The following ZMYM2 variants were observed in gnomAD, a reference collection of about 807,000 sequenced individuals.
The protein encoded by ZMYM2 is zinc finger MYM-type protein 2.
A neutral mutation model predicts 162.8 loss-of-function variants in ZMYM2; 56 were observed. The ratio of observed to expected loss-of-function variants is 0.34; its 90% CI spans 0.28 to 0.43. ZMYM2 has a LOEUF of 0.43. Ranked by LOEUF, ZMYM2 falls within the 20% of genes least tolerant of loss-of-function variation. The pLI is 1.00. For synonymous variants in ZMYM2, 510 were observed against 541.6 expected (o/e 0.94, Z 0.81); for missense variants, 1,275 against 1,621.8 (o/e 0.79, Z 3.67).
chr13:19,993,434 A>G lies in ZMYM2; in HGVS notation c.362A>G (p.Asp121Gly). The G allele has an allele frequency of 6.2e-7, 1 of 1,613,968 alleles. No individual in the cohort carries two copies. The highest frequency in any genetic ancestry group is 8.5e-7 in the Non-Finnish European group (1 of 1,179,906). The change falls in exon 3 of 25, where the codon GAT (aspartate) becomes GGT (glycine). Residue 121 changes from aspartate to glycine, a missense_variant. Transcript: ENST00000610343. ...GSVSETIVID[D>G]EEDMETNQGQ... ...GTAAGTGAGACAATTGTCATTGATG[A>G]TGAAGAGGACATGGAAACAAATCAA...
the ZMYM2 span, among the ~76,000 whole-genome samples, chr13:19,890,352 G>C: frequency 6.6e-6 from 1 of 151,346 alleles, no homozygotes; most frequent in Non-Finnish European, 1.5e-5. Flanking sequence ...TTTTTTTATA[G>C]AGACAGGGTC....
intron 7 of ZMYM2, among the ~76,000 whole-genome samples, chr13:20,022,197 G>A (rs9506417): frequency 0.026 from 3,927 of 152,242 alleles, 115 homozygotes; most frequent in East Asian, 0.13. Context: ...TGTTAGTTGG[G>A]AGTGGAAGTT....
the ZMYM2 span, among the ~76,000 whole-genome samples, chr13:19,875,766 A>G: frequency 4.6e-5 from 7 of 152,126 alleles, no homozygotes; most frequent in Non-Finnish European, 1.0e-4. Flanking sequence ...ATGAGAGCTA[A>G]ACATTGAGTA....
At chr13:19,900,323 C>G in the ZMYM2 span, among the ~76,000 whole-genome samples, 1 of 151,922 alleles carries the variant, frequency 6.6e-6, no homozygotes, top group African/African-American at 2.4e-5. Flanking sequence ...AGTTGTACAA[C>G]AACAAAATAG....
intron 2 of ZMYM2, among the ~76,000 whole-genome samples, chr13:19,992,653 G>T (rs1949718425): frequency 6.6e-6 from 1 of 151,640 alleles, no homozygotes; most frequent in Non-Finnish European, 1.5e-5. Context: ...GTATAATGAA[G>T]TAATTATTTT....
chr13:19,925,464 T>G, the ZMYM2 span, among the ~76,000 whole-genome samples: 30 of 152,236 alleles, frequency 2.0e-4, no homozygotes, highest in Admixed American at 1.2e-3. Context: ...AAACATTTTT[T>G]AATTTCTGAG....
chr13:19,906,318 A>G, the ZMYM2 span, among the ~76,000 whole-genome samples: 1 of 131,422 alleles, frequency 7.6e-6, no homozygotes, highest in East Asian at 2.1e-4. Flanking sequence ...ATATATATAT[A>G]TATATGTTGT....
intron 21 of ZMYM2, among the ~76,000 whole-genome samples, chr13:20,080,484 T>C: frequency 6.6e-6 from 1 of 151,992 alleles, no homozygotes; most frequent in Non-Finnish European, 1.5e-5. Context: ...TCCGACAATA[T>C]CTGTCTCTTT....
chr13:20,046,570 T>C (rs1296295994), intron 12 of ZMYM2, among the ~76,000 whole-genome samples: 2 of 59,042 alleles, frequency 3.4e-5, no homozygotes, highest in African/African-American at 1.0e-4. Flanking sequence ...AAAAAATATA[T>C]ATATATATAT....
chr13:20,038,110 G>T (rs966311377), intron 12 of ZMYM2, among the ~76,000 whole-genome samples: 2 of 152,128 alleles, frequency 1.3e-5, no homozygotes, highest in Admixed American at 6.5e-5. Flanking sequence ...CCATGTTCCT[G>T]CAGGGTATAT....
chr13:19,976,719 T>A (rs1956829103), intron 2 of ZMYM2, among the ~76,000 whole-genome samples: 1 of 152,234 alleles, frequency 6.6e-6, no homozygotes, highest in Non-Finnish European at 1.5e-5. Flanking sequence ...TGGTTCTACG[T>A]TATAGCGTGT....
the ZMYM2 span, among the ~76,000 whole-genome samples, chr13:19,893,802 A>G: frequency 6.6e-6 from 1 of 151,830 alleles, no homozygotes. Context: ...CATAATATAA[A>G]TCTATGCTAA....
chr13:20,081,343 T>C (rs996693495), intron 21 of ZMYM2, among the ~76,000 whole-genome samples: 12 of 152,232 alleles, frequency 7.9e-5, no homozygotes, highest in African/African-American at 2.9e-4. Context: ...GCTGTTATCA[T>C]ATAATTTTAT....
intron 12 of ZMYM2, 47 bp from the exon 13 acceptor site, chr13:20,051,386 C>T (rs1424466761): frequency 3.2e-6 from 5 of 1,578,242 alleles, no homozygotes; most frequent in Non-Finnish European, 4.3e-6. Flanking sequence ...TTCTGGAAAT[C>T]TTCAAAAATA....
At chr13:19,959,004 CCCGCGGCGCGGCCGCCGTCGCCGCTG>C in intron 1 of ZMYM2, among the ~76,000 whole-genome samples, 163 bp downstream of exon 1, 1 of 151,894 alleles carries the variant, frequency 6.6e-6, no homozygotes, top group South Asian at 2.1e-4. Flanking sequence ...GGATTAATAC[CCCGCGGCGCGGCCGCCGTCGCCGCTG>C]CCGCGTCGGG....
chr13:19,931,928 T>C, the ZMYM2 span, among the ~76,000 whole-genome samples: 1 of 152,218 alleles, frequency 6.6e-6, no homozygotes, highest in East Asian at 1.9e-4. Flanking sequence ...CCCAGTTCCT[T>C]ATTTCCTTTT....
the ZMYM2 span, among the ~76,000 whole-genome samples, chr13:19,927,117 T>C: frequency 1.3e-5 from 2 of 152,258 alleles, no homozygotes; most frequent in South Asian, 4.1e-4. Context: ...AGACTTCTAG[T>C]ATATTTGTAG....
intron 2 of ZMYM2, among the ~76,000 whole-genome samples, chr13:19,983,774 G>C (rs186126841): frequency 5.3e-5 from 8 of 151,910 alleles, no homozygotes; most frequent in Admixed American, 4.6e-4. Context: ...GACCACAGGC[G>C]TGCATCACTA....
intron 18 of ZMYM2, among the ~76,000 whole-genome samples, chr13:20,063,883 TATA>T (rs1956454997): frequency 1.2e-4 from 1 of 8,536 alleles, no homozygotes; most frequent in South Asian, 4.4e-3. Flanking sequence ...ATATACAATA[TATA>T]ATATAAATAT....
Sources: gnomAD v4.1 joint callset for allele counts (sites outside exome capture counted in the v4.1 genomes callset) on GRCh38, gnomAD v4.1.1 for gene constraint, MANE v1.5 for transcripts, NCBI Gene and HGNC (gene_info 2026-07-23, HGNC 2026-07-21) for gene names.